ABCA5: variants seen among roughly 807,000 people sequenced by gnomAD.
ABCA5 encodes ATP binding cassette subfamily A member 5.
Under a neutral mutation model 206.0 loss-of-function variants are expected in ABCA5, and 163 were observed. The observed-to-expected ratio is 0.79, with a 90% CI of 0.70 to 0.90. The LOEUF is 0.90. Among genes scored for constraint, ABCA5 ranks in the 40% least tolerant of loss-of-function variants. The pLI is 0.00. For missense variants in ABCA5, 1,859 were observed against 1,912.9 expected (o/e 0.97, Z 0.53); for synonymous variants, 609 against 613.8 (o/e 0.99, Z 0.11).
chr17:69,320,175 A>C (rs886184514), intron 1 of ABCA5, among the ~76,000 whole-genome samples: 2 of 152,196 alleles, frequency 1.3e-5, no homozygotes, highest in Non-Finnish European at 2.9e-5. Context: ...GTAATAGAGA[A>C]TATCATATTC....
At chr17:69,287,578 G>A in intron 15 of ABCA5, 35 bp downstream of exon 15, 1 of 1,591,344 alleles carries the variant, frequency 6.3e-7, no homozygotes, top group African/African-American at 1.4e-5. Flanking sequence ...TTTGGCCCAT[G>A]ATCTCAGCCT....
chr17:69,268,083 T>C, intron 22 of ABCA5, 27 bp from the exon 23 acceptor site: 1 of 1,050,962 alleles, frequency 9.5e-7, no homozygotes. Flanking sequence ...GAGTAACAAA[T>C]GGAACTGAGA....
chr17:69,274,215 T>G (rs903413428), intron 19 of ABCA5, 87 bp from the exon 20 acceptor site: 11 of 1,301,528 alleles, frequency 8.5e-6, no homozygotes, highest in Non-Finnish European at 1.0e-5. Flanking sequence ...CACATTGATA[T>G]GGACTTTTTT....
chr17:69,313,220 T>G lies in ABCA5; in HGVS notation c.179A>C (p.Glu60Ala). The G allele has an allele frequency of 6.5e-7, 1 of 1,539,800 alleles. No homozygotes were observed. Residue 60 changes from glutamate (E) to alanine (A), a missense_variant, in exon 3 of 39, where the codon GAA becomes GCA. Transcript: ENST00000392676. ...AGGATTGAGTTCTATATTAGGCACT[T>G]CTTCATATTTCTTATTTGGATGCAT... The part of the protein sequence containing the change: ...SMMHPNKKYE[E>A]VPNIELNPMD...
At chr17:69,269,836 T>G (rs1358374250) in intron 22 of ABCA5, among the ~76,000 whole-genome samples, 1 of 152,178 alleles carries the variant, frequency 6.6e-6, no homozygotes, top group Non-Finnish European at 1.5e-5. Flanking sequence ...TACTGTATGA[T>G]TCCATTTATA....
intron 15 of ABCA5, 90 bp from the exon 16 acceptor site, chr17:69,286,401 AT>A: frequency 1.8e-6 from 2 of 1,090,644 alleles, no homozygotes; most frequent in South Asian, 2.9e-5. Flanking sequence ...TATGAGAGTC[AT>A]CCACATTATG....
rs1329125138 is a variant in ABCA5 at position 69,244,852 on chromosome 17, G to C, written c.*2685C>G. 6.7e-6 allele frequency: 1 copy of C among 150,266 alleles called. No homozygotes were observed. Among genetic ancestry groups the C allele is most frequent in the African/African-American group, 2.4e-5 (1 of 41,112 alleles). 9.3% of individuals were successfully genotyped at this position (150,266 alleles called of 1,614,324 possible). A position where few individuals can be genotyped will look rare whatever the true frequency, so the allele number is the denominator to read the frequency against. On this transcript the variant is annotated 3_prime_UTR_variant, in exon 39 of 39. Transcript: ENST00000392676. ...AAACGTTGTTAGTACTACTAGCAAA[G>C]GATTTGTCATATTATAGTTAGTTAT... is the stretch of plus-strand genomic sequence containing the variant.
chr17:69,307,549 T>C (rs149890180), intron 5 of ABCA5, among the ~76,000 whole-genome samples: 5 of 152,210 alleles, frequency 3.3e-5, no homozygotes, highest in Non-Finnish European at 2.9e-5. Flanking sequence ...AAATAGGTGA[T>C]ACAACATCAT....
rs1377413126 is a variant in ABCA5, at chr17:69,306,734, G to A, written c.779C>T (p.Thr260Ile). The A allele has an allele frequency of 7.0e-7, 1 of 1,431,850 alleles. No individual in the cohort carries two copies. The highest frequency in any genetic ancestry group is 2.3e-4 in the Middle Eastern group (1 of 4,418). 88.7% of individuals were successfully genotyped at this position (1,431,850 alleles called of 1,614,324 possible). ...ATTTTTAATAACATACCAAAAGGCA[G>A]TATCATGAAGTCCCATTATCTTTAA... The part of the protein sequence containing the change: ...EFLKIMGLHD[T>I]AFWLSWVLLY... The change falls in exon 6 of 39, where the codon ACT (threonine) becomes ATT (isoleucine). Residue 260 changes from threonine to isoleucine, a missense_variant. Transcript: ENST00000392676.
At chr17:69,271,086 A>G in intron 21 of ABCA5, 76 bp downstream of exon 21, 1 of 1,503,762 alleles carries the variant, frequency 6.6e-7, no homozygotes, top group Middle Eastern at 1.7e-4. Flanking sequence ...CAAATCAACA[A>G]ATAATTAATT....
In ABCA5 at chr17:69,327,085, G is replaced by A. The variant is rs1258208153; in HGVS notation, c.-49C>T. ...CCGAGCCGCAGAGCTGTCAGGCCTG[G>A]ACGCGCTCAGTCTGTTGACTCAGTG... On this transcript the variant is annotated 5_prime_UTR_variant, in exon 1 of 39. Coordinates refer to ENST00000392676, the MANE Select transcript of ABCA5 (RefSeq NM_172232.4). The A allele has an allele frequency of 1.3e-5, 2 of 153,508 alleles. No homozygotes were observed. Among genetic ancestry groups the A allele is most frequent in the African/African-American group, 4.8e-5 (2 of 41,474 alleles). 9.5% of individuals were successfully genotyped at this position (153,508 alleles called of 1,614,324 possible). A position where few individuals can be genotyped will look rare whatever the true frequency, so the allele number is the denominator to read the frequency against.
In ABCA5 at chr17:69,246,738, G is replaced by A. The variant is rs1431581773; in HGVS notation, c.*799C>T. The A allele has an allele frequency of 6.6e-6, 1 of 151,870 alleles. No individual in the cohort carries two copies. The highest frequency in any genetic ancestry group is 1.9e-4 in the East Asian group (1 of 5,200). 9.4% of individuals were successfully genotyped at this position (151,870 alleles called of 1,614,324 possible). A position where few individuals can be genotyped will look rare whatever the true frequency, so the allele number is the denominator to read the frequency against. Reference sequence around the variant, plus strand: ...AAAATTTATATGTTCCAAGAGTGATGAAGGAAAAGGTATGGCTTAATTCTA... The same window carrying A: ...AAAATTTATATGTTCCAAGAGTGATAAAGGAAAAGGTATGGCTTAATTCTA... On this transcript the variant is annotated 3_prime_UTR_variant, in exon 39 of 39. Coordinates refer to ENST00000392676, the MANE Select transcript of ABCA5 (RefSeq NM_172232.4).
At chr17:69,296,343 C>G (rs1430089485) in intron 10 of ABCA5, among the ~76,000 whole-genome samples, 1 of 152,018 alleles carries the variant, frequency 6.6e-6, no homozygotes, top group Non-Finnish European at 1.5e-5. Flanking sequence ...AAATATTATG[C>G]TTCACTTTTT....
intron 1 of ABCA5, among the ~76,000 whole-genome samples, chr17:69,316,685 G>A (rs2145047057): frequency 6.6e-6 from 1 of 150,616 alleles, no homozygotes; most frequent in African/African-American, 2.4e-5. Context: ...AGTTGGTGAA[G>A]CCCAGAAAAC....
Position 69,285,644 on chromosome 17 carries a change from T to G in ABCA5, c.2272+254A>C, listed in dbSNP as rs193229213. 6.3e-4 allele frequency among the ~76,000 whole-genome samples: 96 copies of G among 152,218 alleles called. 1 individual carries two copies. In the East Asian group the frequency reaches 0.016, roughly 26 times the overall value. ...GACAACAAAGTAAACACAATTATTT[T>G]TACGTTTTTTAACATTTTCTTAAGT... On this transcript the variant is annotated intron_variant, in intron 17 of 38. Transcript: ENST00000392676.
intron 1 of ABCA5, among the ~76,000 whole-genome samples, chr17:69,319,400 A>G (rs2075845243): frequency 6.6e-6 from 1 of 152,076 alleles, no homozygotes; most frequent in African/African-American, 2.4e-5. Flanking sequence ...TGCTTCCTGA[A>G]CTCAAGGTTG....
chr17:69,298,846 T>C (rs1244658941), intron 9 of ABCA5, among the ~76,000 whole-genome samples: 1 of 152,120 alleles, frequency 6.6e-6, no homozygotes, highest in Non-Finnish European at 1.5e-5. Flanking sequence ...ACCAAAAAGC[T>C]TCTCCATAGC....
chr17:69,313,710 T>C (rs1270696875), intron 2 of ABCA5, among the ~76,000 whole-genome samples: 2 of 152,166 alleles, frequency 1.3e-5, no homozygotes, highest in Non-Finnish European at 2.9e-5. Context: ...CATACTTTAA[T>C]TATACCTAAA....
At position 69,261,327 on chromosome 17, in the gene ABCA5, G is replaced by A. The variant is rs145006748; in HGVS notation, c.3430-68C>T. 1,586 of 1,404,546 alleles carry A rather than the reference G, an allele frequency of 1.1e-3. 18 individuals are homozygous for A. In the African/African-American group the frequency reaches 0.019, roughly 16 times the overall value. The allele number at this position is 1,404,546 out of a possible 1,614,324, so 87.0% of individuals were successfully genotyped here. On this transcript the variant is annotated intron_variant, in intron 25 of 38. Transcript: ENST00000392676. The stretch of plus-strand genomic sequence containing the variant: ...AAACTTCTTACAAATTGGTGTCTAC[G>A]CATTAAACTATTTTTTCAATCCTCT...
Sources: allele counts gnomAD v4.1 joint callset (sites outside exome capture counted in the v4.1 genomes callset), GRCh38; gene constraint gnomAD v4.1.1; transcripts MANE v1.5; gene names NCBI Gene and HGNC (gene_info 2026-07-23, HGNC 2026-07-21).